Variants in CHRM2 observed in about 807,000 individuals in gnomAD.
The protein encoded by CHRM2 is muscarinic acetylcholine receptor M2.
Under a neutral mutation model 25.0 loss-of-function variants are expected in CHRM2, and 8 were observed. That is an observed-to-expected ratio of 0.32 (90% CI 0.19 to 0.58). CHRM2 has a LOEUF of 0.58. CHRM2 is among the 20% of genes least tolerant of loss of function. CHRM2 has a pLI of 0.88. For synonymous variants in CHRM2, 202 were observed against 205.7 expected (o/e 0.98, Z 0.15); for missense variants, 440 against 567.1 (o/e 0.78, Z 2.28).
intron 2 of CHRM2, among the ~76,000 whole-genome samples, chr7:136,989,260 T>C (rs1803060413): frequency 6.6e-6 from 1 of 152,136 alleles, no homozygotes; most frequent in Non-Finnish European, 1.5e-5. Flanking sequence ...GCATCTTTCT[T>C]TCATATATCT....
intron 2 of CHRM2, among the ~76,000 whole-genome samples, chr7:136,917,041 G>A (rs1022574626): frequency 9.9e-5 from 15 of 151,732 alleles, no homozygotes; most frequent in African/African-American, 3.6e-4. Flanking sequence ...TCTAATATAT[G>A]CCTTTATTTT....
At chr7:136,952,124 G>A (rs1363635717) in intron 2 of CHRM2, among the ~76,000 whole-genome samples, 1 of 152,112 alleles carries the variant, frequency 6.6e-6, no homozygotes, top group Non-Finnish European at 1.5e-5. Flanking sequence ...AAGTAGATTC[G>A]AGGGCTTGTG....
At chr7:136,981,254 T>C (rs552422140) in intron 2 of CHRM2, among the ~76,000 whole-genome samples, 2 of 152,372 alleles carry the variant, frequency 1.3e-5, no homozygotes, top group South Asian at 4.1e-4. Context: ...GATTCTCTGA[T>C]GGTAGTTTGT....
At chr7:137,002,531 G>C (rs1431034064) in intron 3 of CHRM2, among the ~76,000 whole-genome samples, 2 of 152,148 alleles carry the variant, frequency 1.3e-5, no homozygotes, top group Non-Finnish European at 2.9e-5. Context: ...ATTTTAAATA[G>C]AGGTTCACTT....
intron 3 of CHRM2, among the ~76,000 whole-genome samples, chr7:136,998,491 T>C (rs1803758598): frequency 6.6e-6 from 1 of 152,310 alleles, no homozygotes. Context: ...CAGCATCATA[T>C]GGATCCTAAG....
At chr7:137,009,926 GAT>G (rs1426115913) in intron 3 of CHRM2, among the ~76,000 whole-genome samples, 1 of 151,806 alleles carries the variant, frequency 6.6e-6, no homozygotes, top group Non-Finnish European at 1.5e-5. Flanking sequence ...TAAGATAGCT[GAT>G]ACACACACAT....
chr7:136,877,251 G>A (rs1250218177), intron 2 of CHRM2, among the ~76,000 whole-genome samples: 2 of 151,980 alleles, frequency 1.3e-5, no homozygotes, highest in Admixed American at 1.3e-4. Flanking sequence ...AATGAATAAC[G>A]GTTCAGGAAG....
Position 136,960,052 on chromosome 7 carries a change from C to T in CHRM2, c.-124-32135C>T, listed in dbSNP as rs142425580. Among the ~76,000 whole-genome samples the T allele has an allele frequency of 8.4e-4, 128 of 152,212 alleles. 2 individuals are homozygous for T. In the East Asian group the frequency reaches 0.021, roughly 25 times the overall value. On this transcript the variant is annotated intron_variant, in intron 2 of 3. Transcript: ENST00000680005. Reference sequence around the variant, plus strand: ...GCTCTGGGTGAGGGAGAACGGAGAGCGAGGGAGGGAGTAGCTGTGTGGCTG... The same window carrying T: ...GCTCTGGGTGAGGGAGAACGGAGAGTGAGGGAGGGAGTAGCTGTGTGGCTG...
chr7:136,930,984 G>C (rs998107128), intron 2 of CHRM2, among the ~76,000 whole-genome samples: 4 of 150,556 alleles, frequency 2.7e-5, no homozygotes, highest in Admixed American at 6.6e-5. Context: ...ATAGTTTTAG[G>C]GTTTAAAAGG....
intron 3 of CHRM2, among the ~76,000 whole-genome samples, chr7:137,003,046 T>C (rs1409447584): frequency 6.6e-6 from 1 of 152,146 alleles, no homozygotes; most frequent in African/African-American, 2.4e-5. Flanking sequence ...ATAACAGAGA[T>C]AGGCTTCCGT....
chr7:136,922,489 A>G (rs952406730), intron 2 of CHRM2, among the ~76,000 whole-genome samples: 1 of 152,150 alleles, frequency 6.6e-6, no homozygotes, highest in Non-Finnish European at 1.5e-5. Context: ...AACATTCAAC[A>G]TCCTCTGGGA....
chr7:136,902,752 T>C (rs1377363278), intron 2 of CHRM2: 2 of 205,642 alleles, frequency 9.7e-6, no homozygotes, highest in Non-Finnish European at 1.9e-5. Flanking sequence ...CATACAATAA[T>C]AGATAACAAC....
At chr7:136,880,761 T>C (rs1385483340) in intron 2 of CHRM2, among the ~76,000 whole-genome samples, 1 of 151,836 alleles carries the variant, frequency 6.6e-6, no homozygotes, top group African/African-American at 2.4e-5. Flanking sequence ...GAGTGATACA[T>C]TTGTTTCAAT....
At chr7:136,927,914 T>C (rs138747456) in intron 2 of CHRM2, among the ~76,000 whole-genome samples, 65 of 152,284 alleles carry the variant, frequency 4.3e-4, no homozygotes, top group African/African-American at 1.6e-3. Context: ...GAAAACAGAA[T>C]TATGAAATTT....
intron 2 of CHRM2, among the ~76,000 whole-genome samples, chr7:136,950,404 G>T (rs1800338577): frequency 6.6e-6 from 1 of 152,116 alleles, no homozygotes; most frequent in Admixed American, 6.5e-5. Flanking sequence ...GGGGATCAGG[G>T]TAGTTGAGGC....
Position 137,015,800 on chromosome 7 carries a change from T to C in CHRM2, c.935T>C (p.Leu312Pro), listed in dbSNP as rs200017653. ...GATGAAAACACAGTTTCCACTTCCC[T>C]GGGCCATTCCAAAGATGAGAACTCT... The part of the protein sequence containing the change: ...TQDENTVSTS[L>P]GHSKDENSKQ... Residue 312 changes from leucine to proline, a missense_variant, in exon 4 of 4, where the codon CTG (leucine) becomes CCG (proline). Physicochemically the swap from Leu to Pro is moderately conservative, Grantham distance 98 (BLOSUM62 -3). Coordinates refer to ENST00000680005, the MANE Select transcript of CHRM2 (RefSeq NM_001006630.2). The surrounding 1 kb of genome is among the most constrained non-coding windows in gnomAD (Gnocchi z 5.1). 2 of 1,613,164 alleles carry C rather than the reference T, an allele frequency of 1.2e-6. No individual in the cohort carries two copies. Among genetic ancestry groups the C allele is most frequent in the Admixed American group, 1.7e-5 (1 of 59,920 alleles).
chr7:136,939,018 T>G (rs539322476), intron 2 of CHRM2, among the ~76,000 whole-genome samples: 2 of 142,328 alleles, frequency 1.4e-5, no homozygotes, highest in Non-Finnish European at 3.0e-5. Flanking sequence ...AGAGGCAGGA[T>G]AACTAGAGAT....
At chr7:136,921,918 G>C (rs1193176059) in intron 2 of CHRM2, among the ~76,000 whole-genome samples, 1 of 151,704 alleles carries the variant, frequency 6.6e-6, no homozygotes, top group Non-Finnish European at 1.5e-5. Context: ...GATTACAGGT[G>C]CGCATGCCTG....
intron 3 of CHRM2, among the ~76,000 whole-genome samples, chr7:136,995,918 T>C (rs1338314023): frequency 6.6e-6 from 1 of 151,876 alleles, no homozygotes; most frequent in East Asian, 1.9e-4. Context: ...AATTAGAGCT[T>C]TTTAATATAA....
Sources: gnomAD v4.1 joint callset for allele counts (sites outside exome capture counted in the v4.1 genomes callset) on GRCh38, gnomAD v4.1.1 for gene constraint, Gnocchi (gnomAD v3.1) non-coding constraint, MANE v1.5 for transcripts, NCBI Gene and HGNC (gene_info 2026-07-23, HGNC 2026-07-21) for gene names.